The following CBLB variants were observed in gnomAD, a reference collection of about 807,000 sequenced individuals.
The protein encoded by CBLB is E3 ubiquitin-protein ligase CBL-B.
In CBLB, 31 loss-of-function variants were observed where a neutral mutation model predicts 104.9. The observed-to-expected ratio is 0.30, with a 90% CI of 0.22 to 0.40. CBLB has a LOEUF of 0.40. CBLB is among the 10% of genes least tolerant of loss of function. The pLI is 1.00. For synonymous variants in CBLB, 440 were observed against 422.6 expected, an observed-to-expected ratio of 1.04 and a Z score of -0.51; for missense variants, 1,062 against 1,214.6, an observed-to-expected ratio of 0.87 and a Z score of 1.87.
intron 10 of CBLB, among the ~76,000 whole-genome samples, chr3:105,710,483 A>G (rs958358089): frequency 4.6e-5 from 7 of 151,980 alleles, no homozygotes; most frequent in Admixed American, 4.6e-4. Context: ...GTTAAAAGAT[A>G]CTGATCAGTA....
At chr3:105,826,477 C>A (rs1247590123) in intron 3 of CBLB, among the ~76,000 whole-genome samples, 1 of 152,188 alleles carries the variant, frequency 6.6e-6, no homozygotes, top group Non-Finnish European at 1.5e-5. Flanking sequence ...CATTCATGTG[C>A]ATTTTAAATG....
intron 9 of CBLB, among the ~76,000 whole-genome samples, chr3:105,725,886 G>C (rs1166468391): frequency 6.6e-6 from 1 of 151,584 alleles, no homozygotes; most frequent in Non-Finnish European, 1.5e-5. Flanking sequence ...ATCTCACTCT[G>C]TTACCTAGGC....
intron 3 of CBLB, among the ~76,000 whole-genome samples, chr3:105,787,427 T>C (rs2081152821): frequency 6.6e-6 from 1 of 152,182 alleles, no homozygotes; most frequent in Non-Finnish European, 1.5e-5. Flanking sequence ...GCTTCTCTTA[T>C]CTAAACCTTC....
chr3:105,869,434 CTT>C, upstream of CBLB: 1 of 1,321,132 alleles, frequency 7.6e-7, no homozygotes, highest in Non-Finnish European at 1.0e-6. Flanking sequence ...CCTTCCTAGT[CTT>C]TTGTTTCATA....
intron 5 of CBLB, among the ~76,000 whole-genome samples, chr3:105,749,000 C>T (rs1176354802): frequency 6.6e-6 from 1 of 152,066 alleles, no homozygotes; most frequent in African/African-American, 2.4e-5. Flanking sequence ...CCCGCAGTCA[C>T]ACAGTATTAG....
At chr3:105,837,433 T>C (rs2088715464) in intron 3 of CBLB, among the ~76,000 whole-genome samples, 1 of 152,204 alleles carries the variant, frequency 6.6e-6, no homozygotes, top group African/African-American at 2.4e-5. Context: ...GAAATGTTAA[T>C]ATAAGAATAA....
At chr3:105,786,071 A>AGGGGGGGGGGGGGGG (rs2080980618) in intron 3 of CBLB, among the ~76,000 whole-genome samples, 1 of 93,824 alleles carries the variant, frequency 1.1e-5, no homozygotes, top group Non-Finnish European at 2.2e-5. Context: ...CGGGGGGGGG[A>AGGGGGGGGGGGGGGG]AAGTGGGTAA....
intron 3 of CBLB, among the ~76,000 whole-genome samples, chr3:105,845,379 G>GA (rs34685404): frequency 0.015 from 1,312 of 85,292 alleles, 7 homozygotes; most frequent in Middle Eastern, 0.063. Flanking sequence ...ATGGGGCTTA[G>GA]AAAAAAAAAA....
At chr3:105,822,629 C>T (rs1038809844) in intron 3 of CBLB, among the ~76,000 whole-genome samples, 24 of 152,074 alleles carry the variant, frequency 1.6e-4, no homozygotes, top group African/African-American at 3.6e-4. Context: ...GGAAAATCTG[C>T]CTCCCATTTA....
At chr3:105,814,162 G>T (rs181271230) in intron 3 of CBLB, among the ~76,000 whole-genome samples, 16 of 152,156 alleles carry the variant, frequency 1.1e-4, no homozygotes, top group Admixed American at 7.9e-4. Flanking sequence ...CTCAAAATCC[G>T]AATAGAATTT....
intron 9 of CBLB, among the ~76,000 whole-genome samples, chr3:105,727,569 G>A (rs2073823439): frequency 6.6e-6 from 1 of 152,042 alleles, no homozygotes; most frequent in Non-Finnish European, 1.5e-5. Flanking sequence ...TGTCTATTTT[G>A]GCTTTTGTTG....
chr3:105,780,670 T>TTG (rs1553789102), intron 3 of CBLB, among the ~76,000 whole-genome samples: 18 of 135,208 alleles, frequency 1.3e-4, no homozygotes, highest in African/African-American at 1.6e-4. Context: ...GTTTTTTTTT[T>TTG]TTTTTTTTTT....
chr3:105,675,985 G>A (rs1485313426), intron 17 of CBLB, among the ~76,000 whole-genome samples: 1 of 125,206 alleles, frequency 8.0e-6, no homozygotes, highest in East Asian at 2.5e-4. Flanking sequence ...CAAAAAAGTT[G>A]CCTTTTTTTT....
chr3:105,809,201 GTTA>G (rs2153035339), intron 3 of CBLB, among the ~76,000 whole-genome samples: 1 of 152,242 alleles, frequency 6.6e-6, no homozygotes, highest in East Asian at 1.9e-4. Flanking sequence ...ACTCAACCTT[GTTA>G]TAATAACATC....
At chr3:105,734,735 G>T (rs1308679224) in intron 8 of CBLB, among the ~76,000 whole-genome samples, 1 of 152,198 alleles carries the variant, frequency 6.6e-6, no homozygotes, top group East Asian at 1.9e-4. Flanking sequence ...GGCTTAATCA[G>T]TTTAACTTGT....
At chr3:105,710,881 T>G (rs911356945) in intron 10 of CBLB, among the ~76,000 whole-genome samples, 2 of 151,958 alleles carry the variant, frequency 1.3e-5, no homozygotes, top group African/African-American at 4.8e-5. Context: ...GAAATCCACA[T>G]GTTCAATCTT....
chr3:105,702,311 A>G lies in CBLB; in HGVS notation c.1742T>C (p.Val581Ala). The change falls in exon 12 of 19, where the codon GTG becomes GCG. Residue 581 changes from valine (V) to alanine (A), a missense_variant. Coordinates refer to ENST00000394030, the MANE Select transcript of CBLB (RefSeq NM_170662.5). ...AGGCATTGGCGGGTCTCTGGAAGGC[A>G]CGCTTTCCACATGATGGATGTGTCT... Reference protein sequence around the residue: ...LSRHIHHVESVPSRDPPMPLE... With the variant: ...LSRHIHHVESAPSRDPPMPLE... 6.2e-7 allele frequency: 1 copy of G among 1,613,790 alleles called. No individual in the cohort carries two copies. The highest frequency in any genetic ancestry group is 8.5e-7 in the Non-Finnish European group (1 of 1,179,934).
chr3:105,714,640 G>A (rs940681178), intron 10 of CBLB, among the ~76,000 whole-genome samples: 3 of 152,204 alleles, frequency 2.0e-5, no homozygotes, highest in African/African-American at 7.2e-5. Flanking sequence ...GGGAGTGGCT[G>A]TAAATACAGA....
intron 7 of CBLB, 74 bp from the exon 8 acceptor site, chr3:105,737,332 T>C: frequency 1.4e-6 from 1 of 718,580 alleles, no homozygotes; most frequent in African/African-American, 1.8e-5. Context: ...TAATCAAATT[T>C]TTCTATATTC....
Sources: gnomAD v4.1 joint callset for allele counts (sites outside exome capture counted in the v4.1 genomes callset) on GRCh38, gnomAD v4.1.1 for gene constraint, MANE v1.5 for transcripts, NCBI Gene and HGNC (gene_info 2026-07-23, HGNC 2026-07-21) for gene names.